PKHD1: variants seen among roughly 807,000 people sequenced by gnomAD.
PKHD1 encodes the protein fibrocystin.
A neutral mutation model predicts 412.0 loss-of-function variants in PKHD1; 291 were observed. The ratio of observed to expected loss-of-function variants is 0.71; its 90% confidence interval spans 0.64 to 0.78. The LOEUF (loss-of-function observed/expected upper bound fraction) is 0.78. PKHD1 is among the 30% of genes least tolerant of loss of function. The pLI, the probability that PKHD1 is intolerant of heterozygous loss-of-function variation, is 0.00. For synonymous variants in PKHD1, 1,777 were observed against 1,821.5 expected (o/e 0.98, Z 0.62); for missense variants, 4,825 against 4,950.7 (o/e 0.97, Z 0.76).
At chr6:51,699,920 A>AGTGTGTTTGTGTGTGTGTGTGT in intron 60 of PKHD1, among the ~76,000 whole-genome samples, 1 of 137,898 alleles carries the variant, frequency 7.3e-6, no homozygotes, top group Non-Finnish European at 1.6e-5. Context: ...ATATATATGG[A>AGTGTGTTTGTGTGTGTGTGTGT]GTGTGTGTGT....
intron 43 of PKHD1, among the ~76,000 whole-genome samples, chr6:51,891,601 A>G (rs773294142): frequency 1.3e-5 from 2 of 152,000 alleles, no homozygotes; most frequent in Non-Finnish European, 2.9e-5. Context: ...TATTAAGGGT[A>G]ACTCTCTGAA....
At chr6:51,664,077 A>G (rs1304751784) in intron 60 of PKHD1, among the ~76,000 whole-genome samples, 1 of 152,184 alleles carries the variant, frequency 6.6e-6, no homozygotes, top group Non-Finnish European at 1.5e-5. Flanking sequence ...AATGTAATTA[A>G]CATTTTTTTG....
intron 64 of PKHD1, among the ~76,000 whole-genome samples, chr6:51,636,722 T>A (rs2150319397): frequency 6.6e-6 from 1 of 152,338 alleles, no homozygotes; most frequent in South Asian, 2.1e-4. Context: ...CCCAACATTC[T>A]AGCACTTCAA....
intron 35 of PKHD1, among the ~76,000 whole-genome samples, chr6:52,007,351 A>G (rs1248432686): frequency 2.6e-5 from 4 of 152,208 alleles, no homozygotes; most frequent in African/African-American, 9.7e-5. Flanking sequence ...AGGTTCCCAC[A>G]CAAGGAATTC....
At chr6:51,799,637 T>G (rs145325602) in intron 52 of PKHD1, among the ~76,000 whole-genome samples, 127 of 152,262 alleles carry the variant, frequency 8.3e-4, no homozygotes, top group African/African-American at 3.0e-3. Context: ...ATATTTCAGC[T>G]AGTTACATGA....
chr6:51,830,898 G>T lies in PKHD1; in HGVS notation c.8265C>A (p.Thr2755=), dbSNP rs1582924494. The part of the protein sequence containing the change: ...VEEGWGGYNN[T]IPGPGDDVLI... Reference sequence around the variant, plus strand: ...GAACGTCATCCCCAGGGCCTGGAATGGTATTGTTGTATCCTCCCCAGCCTT... The same window carrying T: ...GAACGTCATCCCCAGGGCCTGGAATTGTATTGTTGTATCCTCCCCAGCCTT... Residue 2755 remains threonine, a synonymous_variant, in exon 52 of 67, where the codon ACC becomes ACA. Transcript: ENST00000371117. 2 of 1,612,660 alleles carry T rather than the reference G, an allele frequency of 1.2e-6. No homozygotes were observed. Among genetic ancestry groups the T allele is most frequent in the Non-Finnish European group, 1.7e-6 (2 of 1,178,944 alleles).
At chr6:51,645,713 C>T in intron 63 of PKHD1, among the ~76,000 whole-genome samples, 1 of 152,246 alleles carries the variant, frequency 6.6e-6, no homozygotes, top group Non-Finnish European at 1.5e-5. Context: ...ATTTTCAAGT[C>T]ACATTTGAAA....
At chr6:51,751,409 T>C (rs968608830) in intron 57 of PKHD1, among the ~76,000 whole-genome samples, 1 of 152,142 alleles carries the variant, frequency 6.6e-6, no homozygotes, top group Admixed American at 6.5e-5. Flanking sequence ...ACTGATAAAA[T>C]TTGAAGAAAG....
chr6:51,796,804 T>G (rs1229023382), intron 52 of PKHD1, among the ~76,000 whole-genome samples: 2 of 147,476 alleles, frequency 1.4e-5, no homozygotes, highest in African/African-American at 4.9e-5. Flanking sequence ...TGGTGTTGTG[T>G]GGTTTTGAAT....
intron 25 of PKHD1, 35 bp downstream of exon 25, chr6:52,044,931 G>A (rs971366116): frequency 9.3e-6 from 15 of 1,611,620 alleles, no homozygotes; most frequent in Non-Finnish European, 1.1e-5. Flanking sequence ...ACTTGAAACT[G>A]GAGCTTGCAC....
chr6:51,830,042 G>A (rs987485266), intron 52 of PKHD1, among the ~76,000 whole-genome samples: 2 of 152,162 alleles, frequency 1.3e-5, no homozygotes, highest in Non-Finnish European at 1.5e-5. Flanking sequence ...CACATTGTTA[G>A]TTCTCAGTAA....
intron 65 of PKHD1, among the ~76,000 whole-genome samples, chr6:51,629,102 G>C (rs1767627000): frequency 6.6e-6 from 1 of 151,936 alleles, no homozygotes; most frequent in Non-Finnish European, 1.5e-5. Context: ...ACCCAAAACT[G>C]TAAAAACCGT....
At chr6:51,802,899 C>A (rs1235815592) in intron 52 of PKHD1, among the ~76,000 whole-genome samples, 1 of 150,784 alleles carries the variant, frequency 6.6e-6, no homozygotes, top group Middle Eastern at 3.2e-3. Flanking sequence ...TCAATTGTTT[C>A]TTCTGCAGGA....
chr6:51,850,238 G>C (rs558473583), intron 49 of PKHD1, among the ~76,000 whole-genome samples: 2 of 152,232 alleles, frequency 1.3e-5, no homozygotes, highest in East Asian at 3.9e-4. Flanking sequence ...TCTCTGTTCT[G>C]CTCCATCGGT....
At chr6:51,621,178 T>A (rs1178370156) in intron 66 of PKHD1, among the ~76,000 whole-genome samples, 1 of 152,152 alleles carries the variant, frequency 6.6e-6, no homozygotes, top group Non-Finnish European at 1.5e-5. Context: ...AGTCTCATCT[T>A]CCTCTTAGGA....
chr6:51,758,692 CA>C (rs1474533044), intron 55 of PKHD1, among the ~76,000 whole-genome samples: 14 of 152,108 alleles, frequency 9.2e-5, no homozygotes, highest in African/African-American at 3.4e-4. Flanking sequence ...TATGAATAAT[CA>C]CTGTGGAAGT....
At chr6:51,807,150 A>T (rs1377380360) in intron 52 of PKHD1, among the ~76,000 whole-genome samples, 1 of 151,984 alleles carries the variant, frequency 6.6e-6, no homozygotes, top group Non-Finnish European at 1.5e-5. Flanking sequence ...CTATCTGGCC[A>T]GGCATGGTGA....
chr6:52,042,341 A>C (rs1212300813), intron 27 of PKHD1, among the ~76,000 whole-genome samples: 1 of 152,226 alleles, frequency 6.6e-6, no homozygotes, highest in East Asian at 1.9e-4. Context: ...AAAGGGCTTT[A>C]TGCTCTAATG....
At chr6:51,896,756 A>G (rs1192224263) in intron 43 of PKHD1, among the ~76,000 whole-genome samples, 1 of 151,772 alleles carries the variant, frequency 6.6e-6, no homozygotes, top group Non-Finnish European at 1.5e-5. Context: ...AAAGAAGTTG[A>G]AAACTTTGAA....
Sources: gnomAD v4.1 joint callset for allele counts (sites outside exome capture counted in the v4.1 genomes callset) on GRCh38, gnomAD v4.1.1 for gene constraint, MANE v1.5 for transcripts, NCBI Gene and HGNC (gene_info 2026-07-23, HGNC 2026-07-21) for gene names.